Variants in PPP2R2B observed in about 807,000 individuals in gnomAD.
The protein encoded by PPP2R2B is serine/threonine-protein phosphatase 2A 55 kDa regulatory subunit B beta isoform.
PPP2R2B carries 5 observed loss-of-function variants against 46.0 expected under a neutral mutation model. The observed-to-expected ratio is 0.11, with a 90% CI of 0.06 to 0.23. The LOEUF is 0.23. Among genes scored for constraint, PPP2R2B ranks in the 10% least tolerant of loss-of-function variants. The pLI is 1.00. For missense variants in PPP2R2B, 367 were observed against 575.0 expected, an observed-to-expected ratio of 0.64 and a Z score of 3.70; for synonymous variants, 215 against 206.7, an observed-to-expected ratio of 1.04 and a Z score of -0.34.
At position 146,856,309 on chromosome 5, in the gene PPP2R2B, T is replaced by C. The variant is rs368457166; in HGVS notation, c.70+21693A>G. ...ACAGTAAATCAAACTATGCTTCCTA[T>C]GTACAATAACTATTTAAAAAATGTA... is the stretch of plus-strand genomic sequence containing the variant. On this transcript the variant is annotated intron_variant, in intron 2 of 9. Transcript: ENST00000394411. 1.1e-4 allele frequency among the ~76,000 whole-genome samples: 16 copies of C among 152,318 alleles called. No individual in the cohort carries two copies. In the East Asian group the frequency reaches 2.7e-3, roughly 26 times the overall value.
chr5:146,847,292 G>T (rs548210546), intron 2 of PPP2R2B, among the ~76,000 whole-genome samples: 1 of 152,228 alleles, frequency 6.6e-6, no homozygotes, highest in Admixed American at 6.5e-5. Flanking sequence ...TTTAATTCCT[G>T]ACATAATAGA....
intron 2 of PPP2R2B, among the ~76,000 whole-genome samples, chr5:146,779,238 A>C (rs1394152277): frequency 6.6e-6 from 1 of 152,190 alleles, no homozygotes; most frequent in Non-Finnish European, 1.5e-5. Context: ...GTCTTTTAAG[A>C]GTGATTTTAA....
chr5:146,930,841 C>T (rs1763945156), intron 1 of PPP2R2B, among the ~76,000 whole-genome samples: 2 of 152,136 alleles, frequency 1.3e-5, no homozygotes, highest in Admixed American at 1.3e-4. Flanking sequence ...TCTCATTCCA[C>T]CTTTCTCTTT....
At chr5:146,918,233 T>C (rs1208586304) in intron 1 of PPP2R2B, 1 of 152,144 alleles carries the variant, frequency 6.6e-6, no homozygotes, top group Non-Finnish European at 1.5e-5. Flanking sequence ...GAAGAATATA[T>C]ATGAAGGGAA....
At chr5:146,762,987 G>A (rs546530007) in intron 2 of PPP2R2B, among the ~76,000 whole-genome samples, 7 of 152,314 alleles carry the variant, frequency 4.6e-5, no homozygotes, top group South Asian at 2.1e-4. Flanking sequence ...AATGTGCCCC[G>A]CACATCAGTG....
intron 5 of PPP2R2B, 100 bp from the exon 6 acceptor site, chr5:146,650,824 C>T (rs1775902476): frequency 3.6e-6 from 4 of 1,126,698 alleles, no homozygotes; most frequent in Admixed American, 2.9e-5. Context: ...AAAATAATAG[C>T]CACATTGAAG....
chr5:146,866,364 A>C (rs1372061262), intron 2 of PPP2R2B, among the ~76,000 whole-genome samples: 1 of 152,148 alleles, frequency 6.6e-6, no homozygotes, highest in Non-Finnish European at 1.5e-5. Context: ...ACCTGCATTC[A>C]AGTCCTGGGT....
intron 1 of PPP2R2B, among the ~76,000 whole-genome samples, chr5:146,997,482 C>T (rs1753977028): frequency 6.6e-6 from 1 of 152,164 alleles, no homozygotes; most frequent in Admixed American, 6.5e-5. Flanking sequence ...CTGTGCCTTA[C>T]ACATCCCTGA....
At chr5:147,005,135 G>A (rs1300906350) in intron 1 of PPP2R2B, among the ~76,000 whole-genome samples, 2 of 152,132 alleles carry the variant, frequency 1.3e-5, no homozygotes, top group African/African-American at 4.8e-5. Context: ...CCCAGAGGAT[G>A]GGGAACCAAT....
At chr5:146,735,837 T>G (rs947849282) in intron 2 of PPP2R2B, among the ~76,000 whole-genome samples, 2 of 152,210 alleles carry the variant, frequency 1.3e-5, no homozygotes, top group African/African-American at 2.4e-5. Context: ...AAGAGTCATC[T>G]ATTGCTTGAT....
chr5:146,682,198 T>A (rs1434287966), intron 5 of PPP2R2B, among the ~76,000 whole-genome samples: 1 of 152,188 alleles, frequency 6.6e-6, no homozygotes, highest in Non-Finnish European at 1.5e-5. Context: ...TGTCAGTGAA[T>A]ACACTCTGAA....
chr5:146,972,401 G>T (rs1752699470), intron 1 of PPP2R2B, among the ~76,000 whole-genome samples: 1 of 152,094 alleles, frequency 6.6e-6, no homozygotes, highest in Admixed American at 6.6e-5. Context: ...GAATCACTAA[G>T]TCAAGCCCAA....
At chr5:146,806,606 C>A (rs945332731) in intron 2 of PPP2R2B, among the ~76,000 whole-genome samples, 1 of 152,330 alleles carries the variant, frequency 6.6e-6, no homozygotes. Flanking sequence ...CAGCCTGGAG[C>A]TTTCCCAACA....
chr5:146,694,077 C>T (rs1262508583), intron 4 of PPP2R2B, among the ~76,000 whole-genome samples: 1 of 152,144 alleles, frequency 6.6e-6, no homozygotes, highest in African/African-American at 2.4e-5. Flanking sequence ...GTACCATTCG[C>T]CTTGAAGCTG....
intron 1 of PPP2R2B, among the ~76,000 whole-genome samples, chr5:146,913,595 C>T (rs183507992): frequency 1.7e-3 from 257 of 151,350 alleles, no homozygotes; most frequent in Non-Finnish European, 2.8e-3. Context: ...CACTCGGTCT[C>T]TTGATCTCCA....
chr5:147,020,019 G>T (rs975981735), intron 1 of PPP2R2B, among the ~76,000 whole-genome samples: 5 of 152,050 alleles, frequency 3.3e-5, no homozygotes, highest in African/African-American at 1.2e-4. Context: ...TATTAACCTG[G>T]CCTAGATGTT....
chr5:147,004,220 A>T (rs1754321694), intron 1 of PPP2R2B, among the ~76,000 whole-genome samples: 1 of 152,098 alleles, frequency 6.6e-6, no homozygotes, highest in Non-Finnish European at 1.5e-5. Context: ...CCAATGAGAA[A>T]CAAGCCACCC....
At chr5:146,837,305 A>G (rs1333437406) in intron 2 of PPP2R2B, among the ~76,000 whole-genome samples, 1 of 152,260 alleles carries the variant, frequency 6.6e-6, no homozygotes, top group African/African-American at 2.4e-5. Context: ...TTCTGAGCCC[A>G]TTTAAAGTAG....
intron 5 of PPP2R2B, among the ~76,000 whole-genome samples, chr5:146,662,799 G>A (rs1352927954): frequency 6.6e-6 from 1 of 151,944 alleles, no homozygotes; most frequent in Admixed American, 6.6e-5. Flanking sequence ...CAGGAAAAGG[G>A]TTACTATTTA....
Sources: allele counts gnomAD v4.1 joint callset (sites outside exome capture counted in the v4.1 genomes callset), GRCh38; gene constraint gnomAD v4.1.1; transcripts MANE v1.5; gene names NCBI Gene and HGNC (gene_info 2026-07-23, HGNC 2026-07-21).